Variants in ZFHX3 observed in about 807,000 individuals in gnomAD.
ZFHX3 encodes zinc finger homeobox protein 3.
A neutral mutation model predicts 279.1 loss-of-function variants in ZFHX3; 42 were observed. The observed-to-expected ratio is 0.15, with a 90% CI of 0.12 to 0.19. The LOEUF (loss-of-function observed/expected upper bound fraction) is 0.19. ZFHX3 is among the 10% of genes least tolerant of loss of function. The probability of loss-of-function intolerance (pLI) is 1.00; values close to 1 mark genes in which losing one functional copy is unlikely to be tolerated. For synonymous variants in ZFHX3, 2,293 were observed against 1,957.8 expected (o/e 1.17, Z -4.52); for missense variants, 4,981 against 4,754.0 (o/e 1.05, Z -1.40).
At chr16:73,060,587 G>C (rs1412474987), upstream of ZFHX3, 2 of 137,566 alleles carry the variant, frequency 1.5e-5, no homozygotes, top group African/African-American at 2.8e-5. Context: ...TACTGCAATA[G>C]ATTTTTTAAA....
At position 73,230,645 on chromosome 16, in the gene ZFHX3, T is replaced by C. The variant is rs117268267; in HGVS notation, c.-1104+26402A>G. Among the ~76,000 whole-genome samples the C allele has an allele frequency of 1.8e-3, 278 of 152,316 alleles. 2 individuals carry two copies. The highest frequency in any genetic ancestry group is 3.0e-3 in the Non-Finnish European group (201 of 68,032). On this transcript the variant is annotated intron_variant, in intron 5 of 17. Transcript: ENST00000641206. ...TGATATTCACATGTACCTTCATCAG[T>C]AGACCTACTCGGGAAGGCCTGGTGC...
intron 3 of ZFHX3, among the ~76,000 whole-genome samples, chr16:73,410,336 A>G (rs1327908775): frequency 2.0e-5 from 3 of 152,178 alleles, no homozygotes; most frequent in Non-Finnish European, 4.4e-5. Flanking sequence ...GAATCACTTG[A>G]ACCCGGGAGG....
chr16:72,967,796 C>T (rs1255113985), intron 1 of ZFHX3, among the ~76,000 whole-genome samples: 5 of 150,438 alleles, frequency 3.3e-5, no homozygotes, highest in South Asian at 2.1e-4. Flanking sequence ...GGCGTGGTGG[C>T]GGGCGCCTGT....
chr16:73,049,018 G>C (rs944820299), upstream of ZFHX3, among the ~76,000 whole-genome samples: 1 of 152,308 alleles, frequency 6.6e-6, no homozygotes, highest in East Asian at 1.9e-4. Flanking sequence ...GCCAGGGTAA[G>C]ATTTAAAGCG....
At chr16:73,759,937 C>A in intron 1 of ZFHX3, among the ~76,000 whole-genome samples, 1 of 147,356 alleles carries the variant, frequency 6.8e-6, no homozygotes, top group South Asian at 2.1e-4. Context: ...CAAGAAATAA[C>A]CAAGATCAGA....
At chr16:73,597,965 C>T (rs1026971817) in intron 2 of ZFHX3, among the ~76,000 whole-genome samples, 8 of 152,098 alleles carry the variant, frequency 5.3e-5, no homozygotes, top group African/African-American at 1.7e-4. Flanking sequence ...CTCTAGAGCA[C>T]ATAGTGACAT....
At chr16:73,188,888 G>C (rs1244648123) in intron 5 of ZFHX3, among the ~76,000 whole-genome samples, 2 of 149,180 alleles carry the variant, frequency 1.3e-5, no homozygotes, top group African/African-American at 2.5e-5. Flanking sequence ...TTTTGAGATG[G>C]AGTCTTGCTC....
At chr16:73,307,984 C>T (rs1381768331) in intron 4 of ZFHX3, among the ~76,000 whole-genome samples, 4 of 151,886 alleles carry the variant, frequency 2.6e-5, no homozygotes, top group Admixed American at 6.6e-5. Flanking sequence ...AATTTGCCAG[C>T]TCCCGTGATT....
chr16:72,995,207 G>C (rs1455302093), intron 1 of ZFHX3, among the ~76,000 whole-genome samples: 1 of 152,116 alleles, frequency 6.6e-6, no homozygotes, highest in Non-Finnish European at 1.5e-5. Flanking sequence ...CTTTATCCTT[G>C]AGGAAAATAA....
At chr16:73,177,602 T>C (rs1046133199) in intron 5 of ZFHX3, among the ~76,000 whole-genome samples, 1 of 152,254 alleles carries the variant, frequency 6.6e-6, no homozygotes, top group Admixed American at 6.5e-5. Context: ...ATACAGCCAA[T>C]ATGGTTATAT....
chr16:73,068,975 C>A (rs1306276711), intron 8 of ZFHX3, among the ~76,000 whole-genome samples: 1 of 152,240 alleles, frequency 6.6e-6, no homozygotes, highest in East Asian at 1.9e-4. Flanking sequence ...CTGACCACCC[C>A]TTTGGGCGCA....
rs556891911 is a variant in ZFHX3 at position 73,224,339 on chromosome 16, C to T, written c.-1104+32708G>A. On this transcript the variant is annotated intron_variant, in intron 5 of 17. Coordinates refer to the ZFHX3 transcript ENST00000641206. ...AATTTTGCTGTGAGCCTACACTGCT[C>T]GAAAGTGTATTACAAAAAGTAGATT... 7.2e-5 allele frequency among the ~76,000 whole-genome samples: 11 copies of T among 152,220 alleles called. No individual in the cohort carries two copies. In the South Asian group the frequency reaches 1.9e-3, roughly 26 times the overall value.
chr16:73,355,419 G>T (rs939712963), intron 3 of ZFHX3, among the ~76,000 whole-genome samples: 1 of 152,156 alleles, frequency 6.6e-6, no homozygotes, highest in African/African-American at 2.4e-5. Flanking sequence ...ACACCAAGGA[G>T]TTCCTCTCTC....
intron 4 of ZFHX3, among the ~76,000 whole-genome samples, chr16:72,842,611 A>G (rs981348268): frequency 1.5e-4 from 23 of 152,180 alleles, no homozygotes; most frequent in Non-Finnish European, 2.1e-4. Flanking sequence ...TCACTTACCA[A>G]GCAAAATCTT....
chr16:73,628,787 C>T (rs555367803), intron 2 of ZFHX3, among the ~76,000 whole-genome samples: 1 of 152,136 alleles, frequency 6.6e-6, no homozygotes, highest in East Asian at 1.9e-4. Flanking sequence ...GCGTTTAGAA[C>T]CAGACCTTTT....
At chr16:73,693,262 C>T (rs1425188509) in intron 1 of ZFHX3, among the ~76,000 whole-genome samples, 1 of 151,954 alleles carries the variant, frequency 6.6e-6, no homozygotes, top group Non-Finnish European at 1.5e-5. Context: ...TTTTCCAGTA[C>T]CATGTCCAGA....
At chr16:73,311,106 G>A (rs11150116) in intron 4 of ZFHX3, among the ~76,000 whole-genome samples, 119,218 of 151,932 alleles carry the variant, frequency 0.78, 47,143 homozygotes, top group African/African-American at 0.86. Flanking sequence ...GGTGGCAGGC[G>A]CCTGTAATCC....
chr16:72,927,101 G>A (rs1056518642), intron 3 of ZFHX3, among the ~76,000 whole-genome samples: 1 of 152,152 alleles, frequency 6.6e-6, no homozygotes, highest in Non-Finnish European at 1.5e-5. Flanking sequence ...TTCACTTTTA[G>A]AATTTGAACA....
chr16:73,712,924 T>C (rs1447406996), intron 1 of ZFHX3, among the ~76,000 whole-genome samples: 2 of 152,132 alleles, frequency 1.3e-5, no homozygotes, highest in East Asian at 3.9e-4. Context: ...CTATGTACAT[T>C]GCAGGGTGGG....
Sources: allele counts gnomAD v4.1 joint callset (sites outside exome capture counted in the v4.1 genomes callset), GRCh38; gene constraint gnomAD v4.1.1; transcripts MANE v1.5; gene names NCBI Gene and HGNC (gene_info 2026-07-23, HGNC 2026-07-21).